Variants in MGAM observed in about 807,000 individuals in gnomAD.
The protein encoded by MGAM is alpha-1,4-glucosidase.
MGAM carries 253 observed loss-of-function variants against 358.8 expected under a neutral mutation model. The observed-to-expected ratio is 0.71, with a 90% CI of 0.64 to 0.78. The LOEUF (loss-of-function observed/expected upper bound fraction) is 0.78, where lower values mean the gene tolerates loss of function less well. MGAM is among the 30% of genes least tolerant of loss of function. The pLI, the probability that MGAM is intolerant of heterozygous loss-of-function variation, is 0.00. For missense variants in MGAM, 3,080 were observed against 3,432.6 expected (o/e 0.90, Z 2.57); for synonymous variants, 1,105 against 1,227.1 (o/e 0.90, Z 2.08).
chr7:142,040,099 AT>A lies in MGAM; in HGVS notation c.2317-9del, dbSNP rs764203314. On this transcript the variant is annotated splice_polypyrimidine_tract_variant and intron_variant, in intron 19 of 70. Coordinates refer to ENST00000475668, the MANE Select transcript of MGAM (RefSeq NM_001365693.1). ...TTTTATTTCCCTCAGGGGACACTAC[AT>A]TTTTTTAATTTCAGGGTGCAGAGAA... is the stretch of plus-strand genomic sequence containing the variant. 4.4e-6 allele frequency: 7 copies of A among 1,599,822 alleles called. No homozygotes were observed. In the East Asian group the frequency reaches 9.0e-5, roughly 20 times the overall value.
chr7:142,089,356 A>G (rs1236427383), intron 57 of MGAM, among the ~76,000 whole-genome samples: 1 of 146,642 alleles, frequency 6.8e-6, no homozygotes, highest in Non-Finnish European at 1.5e-5. Context: ...TCTCCACAAA[A>G]TATCTCTCAC....
intron 21 of MGAM, among the ~76,000 whole-genome samples, chr7:142,041,474 T>A (rs893409086): frequency 6.6e-6 from 1 of 152,086 alleles, no homozygotes; most frequent in African/African-American, 2.4e-5. Flanking sequence ...TTTTTCTAAC[T>A]GTTCACCTTC....
rs751467281 is a variant in MGAM at position 142,099,576 on chromosome 7, C to T, written c.7750-37C>T. On this transcript the variant is annotated intron_variant, in intron 66 of 70. Coordinates refer to ENST00000475668, the MANE Select transcript of MGAM (RefSeq NM_001365693.1). The stretch of plus-strand genomic sequence containing the variant: ...TGCATTGTTCAGGGAGGGGCCTGTC[C>T]TCTCCTTAGTCATCTCTTACCTTCT... The T allele has an allele frequency of 1.9e-6, 3 of 1,613,648 alleles. No individual in the cohort carries two copies. In the South Asian group the frequency reaches 3.3e-5, roughly 18 times the overall value.
chr7:142,035,320 A>C lies in MGAM; in HGVS notation c.1959+479A>C, dbSNP rs537380479. On this transcript the variant is annotated intron_variant, in intron 16 of 70. Coordinates refer to ENST00000475668, the MANE Select transcript of MGAM (RefSeq NM_001365693.1). ...AGGGAAGGAAAGCATAAATATAGTA[A>C]AGATGTACCTTCTCTTTGCCCCAAG... Among the ~76,000 whole-genome samples the C allele has an allele frequency of 6.6e-5, 10 of 152,320 alleles. No individual in the cohort carries two copies. The South Asian group carries it at 2.1e-3, about 32-fold the overall frequency.
At position 142,022,402 on chromosome 7, in the gene MGAM, C is replaced by T; in HGVS notation, c.845C>T (p.Thr282Ile). The T allele has an allele frequency of 6.2e-7, 1 of 1,613,688 alleles. No individual in the cohort carries two copies. Among genetic ancestry groups the T allele is most frequent in the Non-Finnish European group, 8.5e-7 (1 of 1,179,680 alleles). The change falls in exon 7 of 71, where the codon ACC (threonine) becomes ATC (isoleucine). Residue 282 changes from threonine (T) to isoleucine (I), a missense_variant. Coordinates refer to ENST00000475668, the MANE Select transcript of MGAM (RefSeq NM_001365693.1). ...TATCGGCATGATATGAATTGGAAGA[C>T]CTGGCCCATATTTAACAGAGACACA... ...QQYRHDMNWK[T>I]WPIFNRDTTP...
chr7:142,053,236 G>A (rs1161913815), intron 26 of MGAM, among the ~76,000 whole-genome samples: 1 of 152,120 alleles, frequency 6.6e-6, no homozygotes, highest in Non-Finnish European at 1.5e-5. Flanking sequence ...CAACTTGGGA[G>A]GCTACCAGTT....
intron 35 of MGAM, 124 bp from the exon 36 acceptor site, chr7:142,063,374 TC>T: frequency 8.8e-7 from 1 of 1,139,282 alleles, no homozygotes; most frequent in South Asian, 1.4e-5. Flanking sequence ...TTGATGAAGC[TC>T]CCAGGGCTGG....
chr7:142,068,738 T>G (rs565613925), intron 43 of MGAM, 35 bp downstream of exon 43: 1 of 1,427,796 alleles, frequency 7.0e-7, no homozygotes, highest in Non-Finnish European at 9.8e-7. Flanking sequence ...AACACGGGAA[T>G]GTGGTAGAGA....
intron 21 of MGAM, among the ~76,000 whole-genome samples, chr7:142,045,458 G>T (rs1810100591): frequency 9.6e-6 from 1 of 104,662 alleles, no homozygotes. Flanking sequence ...TATAATACAT[G>T]ATATATTATA....
intron 69 of MGAM, 40 bp from the exon 70 acceptor site, chr7:142,103,229 A>G: frequency 6.7e-7 from 1 of 1,488,916 alleles, no homozygotes; most frequent in Non-Finnish European, 9.0e-7. Flanking sequence ...ATTTGAACTA[A>G]TTCTGCTATT....
intron 7 of MGAM, among the ~76,000 whole-genome samples, chr7:142,023,444 T>TAC (rs1400289243): frequency 2.0e-5 from 3 of 151,948 alleles, no homozygotes; most frequent in African/African-American, 7.3e-5. Context: ...TATATATATA[T>TAC]ATACACACAC....
At chr7:142,062,016 C>T (rs191824303) in intron 34 of MGAM, among the ~76,000 whole-genome samples, 1 of 152,330 alleles carries the variant, frequency 6.6e-6, no homozygotes, top group East Asian at 1.9e-4. Context: ...GATGCATCCT[C>T]TTTAAGTCCT....
At chr7:142,003,838 A>T (rs1554451493) in intron 1 of MGAM, among the ~76,000 whole-genome samples, 2 of 152,066 alleles carry the variant, frequency 1.3e-5, no homozygotes, top group Non-Finnish European at 2.9e-5. Context: ...AAGGAACTCA[A>T]CAGGAAAAAA....
chr7:142,003,187 A>G (rs1320713219), intron 1 of MGAM, among the ~76,000 whole-genome samples: 2 of 152,080 alleles, frequency 1.3e-5, no homozygotes, highest in African/African-American at 4.8e-5. Context: ...CAAATTACCA[A>G]TATTATTCTT....
intron 60 of MGAM, 96 bp downstream of exon 60, chr7:142,093,646 G>A (rs1815615147): frequency 3.2e-6 from 4 of 1,262,700 alleles, no homozygotes; most frequent in Middle Eastern, 1.9e-4. Flanking sequence ...CCCATTCTAA[G>A]GGTTAAGAAG....
intron 3 of MGAM, among the ~76,000 whole-genome samples, chr7:142,009,089 G>C (rs1280525682): frequency 6.6e-6 from 1 of 152,132 alleles, no homozygotes; most frequent in South Asian, 2.1e-4. Flanking sequence ...TTCTGACTCT[G>C]TTCATGCCCT....
Position 142,064,424 on chromosome 7 carries a change from T to G in MGAM, c.4386T>G (p.Leu1462=), listed in dbSNP as rs538501942. Residue 1462 remains leucine, a synonymous_variant, in exon 37 of 71, where the codon CTT becomes CTG. Transcript: ENST00000475668. ...SRDRGLSSKT[L]CMESQQILPD... is the part of the protein sequence containing the mutation. ...ACAGGGGCCTGAGCAGCAAGACCCT[T>G]TGTATGGAGAGTCAGCAGATCCTCC... 450 of 1,607,874 alleles carry G rather than the reference T, an allele frequency of 2.8e-4. 10 individuals carry two copies. The highest frequency in any genetic ancestry group is 2.6e-3 in the South Asian group (228 of 89,362).
rs1458498877 is a variant in MGAM at position 142,058,065 on chromosome 7, T to TA, written c.3694-137dup. On this transcript the variant is annotated intron_variant, in intron 30 of 70. Coordinates refer to ENST00000475668, the MANE Select transcript of MGAM (RefSeq NM_001365693.1). ...TTCTCTAAGTATCCTAGTGGCTCTATATCCTGTCAGTTTTGGTCTGGATTT... is the reference window on the plus strand; with the variant it reads ...TTCTCTAAGTATCCTAGTGGCTCTATAATCCTGTCAGTTTTGGTCTGGATTT... 4.2e-5 allele frequency: 57 copies of TA among 1,371,590 alleles called. No homozygotes were observed. In the African/African-American group the frequency reaches 7.8e-4, roughly 19 times the overall value. The allele number at this position is 1,371,590 out of a possible 1,614,324, so 85.0% of individuals were successfully genotyped here.
Position 142,073,037 on chromosome 7 carries a change from G to T in MGAM, c.5187-1048G>T, listed in dbSNP as rs79440501. Reference sequence around the variant, plus strand: ...ATATGTTATAATTTATCTAGGATCAGGTAATATTTTACTGGGTAAGTCTCC... The same window carrying T: ...ATATGTTATAATTTATCTAGGATCATGTAATATTTTACTGGGTAAGTCTCC... On this transcript the variant is annotated intron_variant, in intron 44 of 70. Coordinates refer to ENST00000475668, the MANE Select transcript of MGAM (RefSeq NM_001365693.1). 2.7e-3 allele frequency among the ~76,000 whole-genome samples: 390 copies of T among 146,010 alleles called. 50 individuals are homozygous for T. In the East Asian group the frequency reaches 0.056, roughly 21 times the overall value.
Sources: allele counts gnomAD v4.1 joint callset (sites outside exome capture counted in the v4.1 genomes callset), GRCh38; gene constraint gnomAD v4.1.1; transcripts MANE v1.5; gene names NCBI Gene and HGNC (gene_info 2026-07-23, HGNC 2026-07-21).